Variants in SNTG1 observed in about 807,000 individuals in gnomAD.
SNTG1 encodes syntrophin gamma 1.
Under a neutral mutation model 74.7 loss-of-function variants are expected in SNTG1, and 39 were observed. The observed-to-expected ratio is 0.52, with a 90% confidence interval of 0.40 to 0.68. The LOEUF (loss-of-function observed/expected upper bound fraction) is 0.68. SNTG1 is among the 30% of genes least tolerant of loss of function. SNTG1 has a pLI of 0.00. For missense variants in SNTG1, 685 were observed against 609.5 expected, an observed-to-expected ratio of 1.12 and a Z score of -1.30; for synonymous variants, 254 against 217.1, an observed-to-expected ratio of 1.17 and a Z score of -1.49.
At position 50,257,167 on chromosome 8, in the gene SNTG1, G is replaced by T. The variant is rs544358856; in HGVS notation, c.-28+84532G>T. ...AGGAGCTCTTTCTGAGGCAGGCATG[G>T]TTAAAATTGAGGCTCCCTTCTCCCA... On this transcript the variant is annotated intron_variant, in intron 2 of 18. Coordinates refer to ENST00000642720, the MANE Select transcript of SNTG1 (RefSeq NM_018967.5). Among the ~76,000 whole-genome samples the T allele has an allele frequency of 2.6e-5, 4 of 152,208 alleles. No individual in the cohort carries two copies. In the East Asian group the frequency reaches 7.8e-4, roughly 30 times the overall value.
chr8:50,330,956 G>C (rs971390796), intron 2 of SNTG1, among the ~76,000 whole-genome samples: 7 of 152,182 alleles, frequency 4.6e-5, no homozygotes, highest in Admixed American at 6.5e-5. Flanking sequence ...TGGGGACATA[G>C]AGCTAAACCA....
intron 1 of SNTG1, among the ~76,000 whole-genome samples, chr8:50,161,734 A>T (rs1406114060): frequency 2.6e-5 from 4 of 152,276 alleles, no homozygotes; most frequent in Non-Finnish European, 5.9e-5. Context: ...GCATTCCCAC[A>T]AAAAAGGTAT....
At chr8:50,569,478 T>A (rs952194914) in intron 12 of SNTG1, among the ~76,000 whole-genome samples, 11 of 151,218 alleles carry the variant, frequency 7.3e-5, no homozygotes, top group African/African-American at 2.2e-4. Context: ...TAAAAAATCA[T>A]TTTTTTTCCA....
rs186431591 is a variant in SNTG1, at chr8:49,934,801, A to G, written c.-103+22570A>G. Among the ~76,000 whole-genome samples the G allele has an allele frequency of 3.7e-4, 56 of 152,328 alleles. No individual in the cohort carries two copies. The East Asian group carries it at 8.7e-3, about 24-fold the overall frequency. On this transcript the variant is annotated intron_variant, in intron 1 of 18. Transcript: ENST00000642720. ...TAAGTTGGTTTAAAATCTAATCTCC[A>G]TAAGAAAATATGGGTTTCTTCATGA...
chr8:50,439,783 A>G (rs1306359703), intron 5 of SNTG1, among the ~76,000 whole-genome samples: 1 of 144,434 alleles, frequency 6.9e-6, no homozygotes, highest in Non-Finnish European at 1.5e-5. Context: ...AAGTACCACT[A>G]AAGATACTAG....
intron 1 of SNTG1, among the ~76,000 whole-genome samples, chr8:50,143,253 A>G (rs556534076): frequency 6.6e-6 from 1 of 152,198 alleles, no homozygotes; most frequent in African/African-American, 2.4e-5. Flanking sequence ...TACTCACAAT[A>G]ATATCACTTT....
In SNTG1 at chr8:50,763,794, T is replaced by C. The variant is rs575092638; in HGVS notation, c.1395+11683T>C. Reference sequence around the variant, plus strand: ...ACCCCCAAAAGATTAATAGATTCATTAAATTTTTTACCAAAATTTCAATTT... The same window carrying C: ...ACCCCCAAAAGATTAATAGATTCATCAAATTTTTTACCAAAATTTCAATTT... On this transcript the variant is annotated intron_variant, in intron 18 of 18. Coordinates refer to ENST00000642720, the MANE Select transcript of SNTG1 (RefSeq NM_018967.5). Among the ~76,000 whole-genome samples, 31 of 146,094 alleles carry C rather than the reference T, an allele frequency of 2.1e-4. No individual in the cohort carries two copies. The South Asian group carries it at 6.8e-3, about 32-fold the overall frequency.
chr8:50,628,854 G>T (rs142289668), intron 13 of SNTG1, among the ~76,000 whole-genome samples: 1 of 152,098 alleles, frequency 6.6e-6, no homozygotes, highest in East Asian at 1.9e-4. Flanking sequence ...TCAGGTGCTT[G>T]TGTAACACAG....
intron 18 of SNTG1, among the ~76,000 whole-genome samples, chr8:50,774,769 G>C (rs1488236982): frequency 6.6e-6 from 1 of 151,628 alleles, no homozygotes; most frequent in African/African-American, 2.4e-5. Flanking sequence ...CTTTGGGCTT[G>C]TAATATATAA....
At chr8:50,011,968 A>G (rs1442601610) in intron 1 of SNTG1, 1 of 151,956 alleles carries the variant, frequency 6.6e-6, no homozygotes, top group Non-Finnish European at 1.5e-5. Context: ...TTTCCTTTAT[A>G]TTTGGAAACA....
intron 1 of SNTG1, among the ~76,000 whole-genome samples, chr8:50,118,168 T>G (rs2080886895): frequency 6.6e-6 from 1 of 152,170 alleles, no homozygotes; most frequent in Admixed American, 6.6e-5. Flanking sequence ...ATTTCCTAGT[T>G]GTTAAGGCAT....
At chr8:50,599,218 T>G (rs1212616269) in intron 13 of SNTG1, among the ~76,000 whole-genome samples, 1 of 152,068 alleles carries the variant, frequency 6.6e-6, no homozygotes, top group African/African-American at 2.4e-5. Context: ...GTTCCAATGA[T>G]CTGTGTGTCT....
intron 13 of SNTG1, among the ~76,000 whole-genome samples, chr8:50,637,444 G>A (rs10216485): frequency 0.23 from 34,634 of 151,762 alleles, 4,626 homozygotes; most frequent in African/African-American, 0.36. Context: ...TATGCCCAAA[G>A]TGAATAAATC....
chr8:50,755,069 G>C (rs1288081747), intron 18 of SNTG1, among the ~76,000 whole-genome samples: 5 of 151,714 alleles, frequency 3.3e-5, no homozygotes, highest in Admixed American at 2.6e-4. Context: ...CCCACCAGAG[G>C]GGGGGATGAA....
chr8:50,389,276 T>C (rs941086084), intron 2 of SNTG1, among the ~76,000 whole-genome samples: 17 of 152,164 alleles, frequency 1.1e-4, no homozygotes, highest in Non-Finnish European at 1.5e-5. Context: ...TAGCATTTCT[T>C]ATGGCTATAC....
At chr8:50,291,938 G>A (rs1434970209) in intron 2 of SNTG1, among the ~76,000 whole-genome samples, 1 of 152,054 alleles carries the variant, frequency 6.6e-6, no homozygotes, top group African/African-American at 2.4e-5. Flanking sequence ...AATGGTAGAG[G>A]CATTTATTGA....
intron 2 of SNTG1, among the ~76,000 whole-genome samples, chr8:50,391,535 T>A (rs1446224560): frequency 6.6e-6 from 1 of 152,180 alleles, no homozygotes; most frequent in African/African-American, 2.4e-5. Flanking sequence ...AAATTCTCTT[T>A]TTTTGTTGTG....
At chr8:50,116,542 T>A (rs548049125) in intron 1 of SNTG1, among the ~76,000 whole-genome samples, 1 of 152,316 alleles carries the variant, frequency 6.6e-6, no homozygotes, top group African/African-American at 2.4e-5. Flanking sequence ...CCATCCTCAG[T>A]CATTGCGTAC....
At chr8:50,716,544 A>T (rs1435850723) in intron 17 of SNTG1, among the ~76,000 whole-genome samples, 1 of 152,070 alleles carries the variant, frequency 6.6e-6, no homozygotes, top group Non-Finnish European at 1.5e-5. Flanking sequence ...TGCAAAACGA[A>T]CTCAGACATT....
Sources: allele counts gnomAD v4.1 joint callset (sites outside exome capture counted in the v4.1 genomes callset), GRCh38; gene constraint gnomAD v4.1.1; transcripts MANE v1.5; gene names NCBI Gene and HGNC (gene_info 2026-07-23, HGNC 2026-07-21).